Variants in SEMA6D observed in about 807,000 individuals in gnomAD.
SEMA6D encodes the protein semaphorin-6D.
Under a neutral mutation model 106.6 loss-of-function variants are expected in SEMA6D, and 35 were observed. The observed-to-expected ratio is 0.33, with a 90% CI of 0.25 to 0.44. The LOEUF (loss-of-function observed/expected upper bound fraction) is 0.44, where lower values mean the gene tolerates loss of function less well. Ranked by LOEUF, SEMA6D falls within the 20% of genes least tolerant of loss-of-function variation. The pLI is 1.00. For synonymous variants in SEMA6D, 499 were observed against 487.7 expected (o/e 1.02, Z -0.31); for missense variants, 1,185 against 1,345.9 (o/e 0.88, Z 1.87).
At chr15:47,401,448 A>G (rs1009000127) in intron 1 of SEMA6D, among the ~76,000 whole-genome samples, 11 of 152,224 alleles carry the variant, frequency 7.2e-5, no homozygotes, top group African/African-American at 2.7e-4. Flanking sequence ...ATTATCTACA[A>G]TAATAAAGCT....
intron 1 of SEMA6D, among the ~76,000 whole-genome samples, chr15:47,376,837 G>C (rs928196653): frequency 8.5e-5 from 13 of 152,236 alleles, no homozygotes; most frequent in African/African-American, 2.4e-4. Context: ...CTGAGAAATT[G>C]TTCAGCCCCT....
intron 4 of SEMA6D, among the ~76,000 whole-genome samples, chr15:47,665,247 T>A (rs1482945757): frequency 1.3e-5 from 2 of 152,178 alleles, no homozygotes; most frequent in African/African-American, 4.8e-5. Context: ...TTCTCTTTCT[T>A]TTTTCTTTGC....
At chr15:47,654,298 C>T (rs1678011885) in intron 4 of SEMA6D, among the ~76,000 whole-genome samples, 1 of 152,162 alleles carries the variant, frequency 6.6e-6, no homozygotes. Flanking sequence ...CCATGTATAA[C>T]TTGACTTTCC....
At position 47,228,669 on chromosome 15, in the gene SEMA6D, A is replaced by G. The variant is rs187781065; in HGVS notation, c.-239+44251A>G. Among the ~76,000 whole-genome samples the G allele has an allele frequency of 9.1e-4, 139 of 152,112 alleles. 1 individual carries two copies. The highest frequency in any genetic ancestry group is 3.2e-3 in the African/African-American group (135 of 41,542). ...GTCACCCTGGAAGGCTGAGACCAGG[A>G]TGCCCTACTGAATTGCAGACAAGTG... On this transcript the variant is annotated intron_variant, in intron 1 of 19. Coordinates refer to the SEMA6D transcript ENST00000558014.
At chr15:47,471,454 T>C (rs1248938163) in intron 3 of SEMA6D, among the ~76,000 whole-genome samples, 1 of 152,232 alleles carries the variant, frequency 6.6e-6, no homozygotes, top group Non-Finnish European at 1.5e-5. Flanking sequence ...AGTTATGATA[T>C]ACACCTTGCT....
At chr15:47,430,231 C>A (rs1391566939) in intron 2 of SEMA6D, among the ~76,000 whole-genome samples, 1 of 152,062 alleles carries the variant, frequency 6.6e-6, no homozygotes, top group East Asian at 1.9e-4. Flanking sequence ...ACCATTTTCC[C>A]TGCTGTAGAG....
chr15:47,188,779 C>T (rs1479180586), intron 1 of SEMA6D, among the ~76,000 whole-genome samples: 1 of 152,228 alleles, frequency 6.6e-6, no homozygotes, highest in East Asian at 1.9e-4. Context: ...TACAATCAAG[C>T]CTGCAAGTAG....
chr15:47,414,734 C>A (rs2040904732), intron 2 of SEMA6D, among the ~76,000 whole-genome samples: 1 of 152,150 alleles, frequency 6.6e-6, no homozygotes, highest in South Asian at 2.1e-4. Flanking sequence ...GAATCCTTTT[C>A]CACTTCTGCA....
chr15:47,562,035 A>G (rs369409771), intron 3 of SEMA6D, among the ~76,000 whole-genome samples: 1 of 152,054 alleles, frequency 6.6e-6, no homozygotes, highest in African/African-American at 2.4e-5. Context: ...CCTGATTTGA[A>G]GGTATATTAT....
intron 1 of SEMA6D, among the ~76,000 whole-genome samples, chr15:47,240,686 T>C (rs982746627): frequency 3.9e-5 from 6 of 152,124 alleles, no homozygotes; most frequent in Non-Finnish European, 7.4e-5. Context: ...TTTCTTACAA[T>C]TAGTTAAAAT....
intron 1 of SEMA6D, among the ~76,000 whole-genome samples, chr15:47,391,153 C>T (rs942447731): frequency 3.9e-5 from 6 of 152,148 alleles, no homozygotes; most frequent in African/African-American, 1.4e-4. Context: ...TACCAGACAG[C>T]AGTTCATAAA....
chr15:47,711,309 C>CAAAAAAAAAAAAAAAA (rs10672105), intron 4 of SEMA6D, among the ~76,000 whole-genome samples: 1 of 97,816 alleles, frequency 1.0e-5, no homozygotes, highest in Non-Finnish European at 1.9e-5. Context: ...GACTCCGTCT[C>CAAAAAAAAAAAAAAAA]AAAAAAAAAA....
chr15:47,404,107 C>T (rs571333586), intron 1 of SEMA6D, among the ~76,000 whole-genome samples: 9 of 152,210 alleles, frequency 5.9e-5, no homozygotes, highest in South Asian at 4.2e-4. Flanking sequence ...AGTGATGGTA[C>T]GCTACAGAAG....
At chr15:47,283,993 C>T (rs748948761) in intron 1 of SEMA6D, among the ~76,000 whole-genome samples, 2 of 152,116 alleles carry the variant, frequency 1.3e-5, no homozygotes, top group Non-Finnish European at 2.9e-5. Context: ...CTTTGGCTTC[C>T]TTTTTCTGTC....
intron 1 of SEMA6D, among the ~76,000 whole-genome samples, chr15:47,371,207 G>A (rs1012185237): frequency 2.6e-5 from 4 of 152,154 alleles, no homozygotes; most frequent in Non-Finnish European, 5.9e-5. Context: ...ATGGCATTTT[G>A]GAGACATTTT....
At chr15:47,278,248 G>T (rs1345444144) in intron 1 of SEMA6D, among the ~76,000 whole-genome samples, 1 of 152,070 alleles carries the variant, frequency 6.6e-6, no homozygotes, top group Non-Finnish European at 1.5e-5. Context: ...AAGTGTTCCT[G>T]TTTCTCCACA....
At chr15:47,717,798 CGCG>C (rs2079175098) in intron 1 of SEMA6D, 106 bp downstream of exon 1, 2 of 87,602 alleles carry the variant, frequency 2.3e-5, no homozygotes, top group African/African-American at 1.3e-4. Context: ...TGTGTGTGCG[CGCG>C]GTGGGGGTCG....
chr15:47,713,516 C>T (rs1373048322), upstream of SEMA6D, among the ~76,000 whole-genome samples: 2 of 152,158 alleles, frequency 1.3e-5, no homozygotes, highest in Admixed American at 1.3e-4. Context: ...TTTATCATGT[C>T]ATGGAGAGCT....
chr15:47,304,078 T>C (rs1168247792), intron 1 of SEMA6D, among the ~76,000 whole-genome samples: 1 of 152,186 alleles, frequency 6.6e-6, no homozygotes, highest in African/African-American at 2.4e-5. Context: ...AGCATGAGTT[T>C]TATACCATTA....
Sources: gnomAD v4.1 joint callset for allele counts (sites outside exome capture counted in the v4.1 genomes callset) on GRCh38, gnomAD v4.1.1 for gene constraint, MANE v1.5 for transcripts, NCBI Gene and HGNC (gene_info 2026-07-23, HGNC 2026-07-21) for gene names.